KCNG3: variants seen among roughly 807,000 people sequenced by gnomAD.
KCNG3 encodes voltage-gated potassium channel regulatory subunit KCNG3.
A neutral mutation model predicts 29.0 loss-of-function variants in KCNG3; 15 were observed. That is an observed-to-expected ratio of 0.52 (90% CI 0.35 to 0.80). The LOEUF (loss-of-function observed/expected upper bound fraction) is 0.80, where lower values mean the gene tolerates loss of function less well. Ranked by LOEUF, KCNG3 falls within the 30% of genes least tolerant of loss-of-function variation. The pLI, the probability that KCNG3 is intolerant of heterozygous loss-of-function variation, is 0.01. For synonymous variants in KCNG3, 322 were observed against 248.9 expected, an observed-to-expected ratio of 1.29 and a Z score of -2.76; for missense variants, 512 against 605.7, an observed-to-expected ratio of 0.85 and a Z score of 1.62.
chr2:42,490,734 G>A (rs1229958603), intron 1 of KCNG3, among the ~76,000 whole-genome samples: 1 of 152,224 alleles, frequency 6.6e-6, no homozygotes, highest in African/African-American at 2.4e-5. Flanking sequence ...ACTGTAAAGA[G>A]CCTTGAAGGC....
At chr2:42,398,487 T>C in the KCNG3 span, among the ~76,000 whole-genome samples, 2 of 152,112 alleles carry the variant, frequency 1.3e-5, no homozygotes, top group African/African-American at 4.8e-5. Context: ...ACATACGCAT[T>C]ATGGAAGACT....
chr2:42,397,228 G>A, the KCNG3 span, among the ~76,000 whole-genome samples: 27 of 146,960 alleles, frequency 1.8e-4, no homozygotes, highest in African/African-American at 6.8e-4. Context: ...TGGGCAACAG[G>A]AGCAAAACTC....
At chr2:42,401,720 G>A in the KCNG3 span, among the ~76,000 whole-genome samples, 1 of 152,040 alleles carries the variant, frequency 6.6e-6, no homozygotes, top group Non-Finnish European at 1.5e-5. Flanking sequence ...TTACGGACGT[G>A]AGCCACTATG....
chr2:42,476,133 T>C (rs1051467408), intron 1 of KCNG3, among the ~76,000 whole-genome samples: 1 of 152,076 alleles, frequency 6.6e-6, no homozygotes, highest in Non-Finnish European at 1.5e-5. Flanking sequence ...TAAGTACAGT[T>C]TTTTAAAATT....
At chr2:42,447,609 A>T (rs1672634189) in intron 1 of KCNG3, among the ~76,000 whole-genome samples, 1 of 151,906 alleles carries the variant, frequency 6.6e-6, no homozygotes, top group Admixed American at 6.6e-5. Flanking sequence ...TCAAATGCCC[A>T]GGCTCAAGCG....
At position 42,493,235 on chromosome 2, in the gene KCNG3, C is replaced by T; in HGVS notation, c.267G>A (p.Met89Ile). The T allele has an allele frequency of 6.2e-7, 1 of 1,611,894 alleles. No individual in the cohort carries two copies. Among genetic ancestry groups the T allele is most frequent in the Non-Finnish European group, 8.5e-7 (1 of 1,179,890 alleles). Residue 89 changes from methionine (M) to isoleucine (I), a missense_variant, in exon 1 of 2, where the codon ATG (methionine) becomes ATA (isoleucine). Met to Ile is a conservative substitution (Grantham distance 10). Around this residue, in one of 5 missense-constraint regions of KCNG3, gnomAD observed 2 missense variants for 16.1 expected, o/e 0.12. Transcript: ENST00000306078. ...TCTCGTTGTAGAAGGAGAGCTCGCACATCCGCGGCGCGAAGCGCAGCTTGC... is the reference window on the plus strand; with the variant it reads ...TCTCGTTGTAGAAGGAGAGCTCGCATATCCGCGGCGCGAAGCGCAGCTTGC... ...GHGKLRFAPR[M>I]CELSFYNEMI...
chr2:42,400,863 GA>G, the KCNG3 span, among the ~76,000 whole-genome samples: 1 of 151,904 alleles, frequency 6.6e-6, no homozygotes, highest in Non-Finnish European at 1.5e-5. Context: ...AACAAAAAAA[GA>G]AGTTGTTTTT....
At chr2:42,434,067 A>G in the KCNG3 span, among the ~76,000 whole-genome samples, 645 of 152,262 alleles carry the variant, frequency 4.2e-3, 2 homozygotes, top group Middle Eastern at 6.8e-3. Context: ...GCTACCCCCT[A>G]ATTTATCTAC....
At chr2:42,468,073 A>C (rs758651348) in intron 1 of KCNG3, among the ~76,000 whole-genome samples, 1 of 152,166 alleles carries the variant, frequency 6.6e-6, no homozygotes, top group African/African-American at 2.4e-5. Context: ...ACAGATGCAA[A>C]AATTCTACAT....
chr2:42,392,313 T>C, the KCNG3 span, among the ~76,000 whole-genome samples: 1 of 152,114 alleles, frequency 6.6e-6, no homozygotes, highest in Non-Finnish European at 1.5e-5. Context: ...TAGTCTCTGC[T>C]TCTCCTTGGC....
At chr2:42,487,710 C>A (rs539571663) in intron 1 of KCNG3, among the ~76,000 whole-genome samples, 9 of 152,174 alleles carry the variant, frequency 5.9e-5, no homozygotes, top group Non-Finnish European at 1.3e-4. Flanking sequence ...TTGGAATTAT[C>A]TGTGAAAATT....
chr2:42,485,017 C>G (rs1673685646), intron 1 of KCNG3, among the ~76,000 whole-genome samples: 2 of 152,098 alleles, frequency 1.3e-5, no homozygotes, highest in African/African-American at 4.8e-5. Flanking sequence ...TTTTAAAGTA[C>G]TTAAAACCTA....
At chr2:42,457,264 T>C (rs1490151872) in intron 1 of KCNG3, among the ~76,000 whole-genome samples, 1 of 150,878 alleles carries the variant, frequency 6.6e-6, no homozygotes, top group African/African-American at 2.4e-5. Flanking sequence ...AAAGGCAGAC[T>C]GCTTGAGCCC....
the KCNG3 span, among the ~76,000 whole-genome samples, chr2:42,412,990 T>G: frequency 2.0e-5 from 3 of 152,132 alleles, no homozygotes; most frequent in African/African-American, 7.2e-5. Flanking sequence ...CATGCTAGAG[T>G]GCAGGCAGGC....
At chr2:42,398,950 T>C in the KCNG3 span, among the ~76,000 whole-genome samples, 1 of 152,208 alleles carries the variant, frequency 6.6e-6, no homozygotes, top group African/African-American at 2.4e-5. Flanking sequence ...ATCTTTTCAA[T>C]GTTCATTGCC....
At chr2:42,404,475 C>G in the KCNG3 span, among the ~76,000 whole-genome samples, 10 of 152,170 alleles carry the variant, frequency 6.6e-5, no homozygotes, top group African/African-American at 2.4e-4. Flanking sequence ...CACCTGTAAT[C>G]CCAGCACTTT....
chr2:42,477,908 CCT>C (rs1472642905), intron 1 of KCNG3, among the ~76,000 whole-genome samples: 23 of 151,806 alleles, frequency 1.5e-4, no homozygotes, highest in Non-Finnish European at 2.8e-4. Flanking sequence ...TTTTGAGTCA[CCT>C]CTTTCACGGG....
At chr2:42,486,728 G>A (rs1206378073) in intron 1 of KCNG3, among the ~76,000 whole-genome samples, 1 of 152,172 alleles carries the variant, frequency 6.6e-6, no homozygotes, top group Non-Finnish European at 1.5e-5. Context: ...TTTGCTTACT[G>A]TGCTGTCTGC....
the KCNG3 span, among the ~76,000 whole-genome samples, chr2:42,416,919 A>G: frequency 2.0e-5 from 3 of 152,202 alleles, no homozygotes; most frequent in African/African-American, 7.2e-5. Flanking sequence ...GAATCAAAAC[A>G]TCATGTCATA....
Sources: gnomAD v4.1 joint callset for allele counts (sites outside exome capture counted in the v4.1 genomes callset) on GRCh38, gnomAD v4.1.1 for gene constraint, gnomAD v4.1.1 regional missense constraint, MANE v1.5 for transcripts, NCBI Gene and HGNC (gene_info 2026-07-23, HGNC 2026-07-21) for gene names.